SFRP1: variants seen among roughly 807,000 people sequenced by gnomAD.
The protein encoded by SFRP1 is secreted frizzled related protein 1, also known as secreted frizzled-related protein 1.
In SFRP1, 9 loss-of-function variants were observed where a neutral mutation model predicts 25.9. That is an observed-to-expected ratio of 0.35 (90% CI 0.21 to 0.61). The LOEUF is 0.61. Among genes scored for constraint, SFRP1 ranks in the 20% least tolerant of loss-of-function variants. The pLI, the probability that SFRP1 is intolerant of heterozygous loss-of-function variation, is 0.78. For synonymous variants in SFRP1, 178 were observed against 174.0 expected (o/e 1.02, Z -0.18); for missense variants, 346 against 418.2 (o/e 0.83, Z 1.51).
intron 2 of SFRP1, among the ~76,000 whole-genome samples, chr8:41,294,486 A>G (rs1161075251): frequency 6.6e-6 from 1 of 152,222 alleles, no homozygotes; most frequent in Non-Finnish European, 1.5e-5. Flanking sequence ...TGAATGAGAA[A>G]GAACATCATT....
intron 1 of SFRP1, chr8:41,306,934 C>G (rs1804006070): frequency 1.3e-6 from 2 of 1,546,114 alleles, no homozygotes; most frequent in South Asian, 1.2e-5. Context: ...CCCATGTTCC[C>G]TGTGGACTGC....
In SFRP1 at chr8:41,283,269, G is replaced by A. The variant is rs530752590; in HGVS notation, c.623-17780C>T. Reference sequence around the variant, plus strand: ...AGGCGTCACATCTATCTCCTCCTCCGAGTCCCTTTCAGAGTGTGTGTGTCT... The same window carrying A: ...AGGCGTCACATCTATCTCCTCCTCCAAGTCCCTTTCAGAGTGTGTGTGTCT... On this transcript the variant is annotated intron_variant, in intron 2 of 2. Coordinates refer to ENST00000220772, the MANE Select transcript of SFRP1 (RefSeq NM_003012.5). 7.2e-5 allele frequency among the ~76,000 whole-genome samples: 11 copies of A among 152,208 alleles called. No individual in the cohort carries two copies. The South Asian group carries it at 1.0e-3, about 14-fold the overall frequency.
At chr8:41,265,516 GA>G in intron 2 of SFRP1, 27 bp from the exon 3 acceptor site, 4 of 1,533,560 alleles carry the variant, frequency 2.6e-6, no homozygotes, top group Non-Finnish European at 3.5e-6. Context: ...CAGAAGAAGA[GA>G]AAAGAGGGTA....
chr8:41,274,686 T>G (rs1292063609), intron 2 of SFRP1, among the ~76,000 whole-genome samples: 1 of 152,228 alleles, frequency 6.6e-6, no homozygotes, highest in Non-Finnish European at 1.5e-5. Context: ...AAATTATTAC[T>G]TCTAGGTCAT....
chr8:41,278,883 G>C (rs1803602094), intron 2 of SFRP1, among the ~76,000 whole-genome samples: 1 of 152,156 alleles, frequency 6.6e-6, no homozygotes, highest in Non-Finnish European at 1.5e-5. Flanking sequence ...AATCGCAGCA[G>C]TTGCACCTCA....
chr8:41,270,485 TA>T (rs749707404), intron 2 of SFRP1, among the ~76,000 whole-genome samples: 27 of 151,880 alleles, frequency 1.8e-4, no homozygotes, highest in Non-Finnish European at 3.5e-4. Flanking sequence ...GGGATGCCAG[TA>T]AAAAACAAGC....
At chr8:41,278,729 C>T (rs1018127295) in intron 2 of SFRP1, among the ~76,000 whole-genome samples, 5 of 152,248 alleles carry the variant, frequency 3.3e-5, no homozygotes, top group Non-Finnish European at 7.4e-5. Flanking sequence ...AAGACAGCCC[C>T]GGAAAAACAC....
At chr8:41,282,178 G>A (rs754167448) in intron 2 of SFRP1, among the ~76,000 whole-genome samples, 3 of 152,242 alleles carry the variant, frequency 2.0e-5, no homozygotes, top group Non-Finnish European at 4.4e-5. Flanking sequence ...CACCCAAGGT[G>A]TTCAGATGTG....
At chr8:41,276,401 G>C (rs1033877361) in intron 2 of SFRP1, among the ~76,000 whole-genome samples, 5 of 152,206 alleles carry the variant, frequency 3.3e-5, no homozygotes, top group Admixed American at 6.5e-5. Context: ...GCACCATGGC[G>C]AGCTGGCTTT....
chr8:41,289,313 T>A (rs1803747411), intron 2 of SFRP1, among the ~76,000 whole-genome samples: 2 of 152,168 alleles, frequency 1.3e-5, no homozygotes, highest in Admixed American at 6.5e-5. Context: ...GGAAACAAGC[T>A]CAGAGATTTG....
At chr8:41,305,846 C>G (rs1268878182) in intron 1 of SFRP1, among the ~76,000 whole-genome samples, 1 of 152,192 alleles carries the variant, frequency 6.6e-6, no homozygotes, top group Non-Finnish European at 1.5e-5. Context: ...TTCTCACACA[C>G]AACCCCCACA....
At position 41,265,123 on chromosome 8, in the gene SFRP1, C is replaced by A; in HGVS notation, c.*44G>T. 2 of 354,602 alleles carry A rather than the reference C, an allele frequency of 5.6e-6. No individual in the cohort carries two copies. The highest frequency in any genetic ancestry group is 7.3e-5 in the East Asian group (1 of 13,640). 22.0% of individuals were successfully genotyped at this position (354,602 alleles called of 1,614,324 possible). On this transcript the variant is annotated 3_prime_UTR_variant, in exon 3 of 3. Transcript: ENST00000220772. ...TTCCCGGGGCACTGTCCCCCCCGCT[C>A]CCACCCCACCCGAGGCTCCCTCCCC...
rs188707306 is a variant in SFRP1, at chr8:41,278,598, T to C, written c.623-13109A>G. Among the ~76,000 whole-genome samples the C allele has an allele frequency of 3.0e-4, 45 of 152,280 alleles. No homozygotes were observed. In the East Asian group the frequency reaches 7.7e-3, roughly 26 times the overall value. ...CAATGGGAACATCCCACCTCTCAGA[T>C]GGCAATGCTGCCCAAGCCGCTCCAC... On this transcript the variant is annotated intron_variant, in intron 2 of 2. Coordinates refer to ENST00000220772, the MANE Select transcript of SFRP1 (RefSeq NM_003012.5).
At chr8:41,284,488 C>A (rs1024142442) in intron 2 of SFRP1, among the ~76,000 whole-genome samples, 3 of 151,942 alleles carry the variant, frequency 2.0e-5, no homozygotes, top group Middle Eastern at 3.4e-3. Context: ...TGGCTGAGAG[C>A]GTCAGCAGGG....
At chr8:41,308,577 G>A (rs1327547354) in intron 1 of SFRP1, 39 bp downstream of exon 1, 3 of 1,492,410 alleles carry the variant, frequency 2.0e-6, no homozygotes, top group Non-Finnish European at 2.7e-6. Context: ...CCGGGGGATG[G>A]AGGGGGCGGC....
At chr8:41,299,499 TAAAAAA>T (rs576175856) in intron 2 of SFRP1, among the ~76,000 whole-genome samples, 792 of 56,002 alleles carry the variant, frequency 0.014, 4 homozygotes, top group African/African-American at 0.028. Context: ...TTCTCCTTTA[TAAAAAA>T]AAAAAAAAAA....
intron 2 of SFRP1, among the ~76,000 whole-genome samples, chr8:41,292,261 G>A (rs1285101960): frequency 1.3e-5 from 2 of 152,088 alleles, no homozygotes; most frequent in Non-Finnish European, 2.9e-5. Flanking sequence ...AGCCCTTTTT[G>A]GCTTTGTGTC....
intron 2 of SFRP1, among the ~76,000 whole-genome samples, chr8:41,270,295 C>A (rs1453430161): frequency 5.9e-5 from 9 of 151,612 alleles, no homozygotes; most frequent in South Asian, 2.1e-4. Flanking sequence ...AAATTAGAGT[C>A]AAAAAAACAA....
chr8:41,273,403 A>G (rs1803535205), intron 2 of SFRP1, among the ~76,000 whole-genome samples: 1 of 152,162 alleles, frequency 6.6e-6, no homozygotes, highest in East Asian at 1.9e-4. Context: ...GAGGCAGGAG[A>G]ATTGCTTGAA....
Sources: allele counts gnomAD v4.1 joint callset (sites outside exome capture counted in the v4.1 genomes callset), GRCh38; gene constraint gnomAD v4.1.1; transcripts MANE v1.5; gene names NCBI Gene and HGNC (gene_info 2026-07-23, HGNC 2026-07-21).